The following MGST1 variants were observed in gnomAD, a reference collection of about 807,000 sequenced individuals.
MGST1 encodes microsomal glutathione S-transferase 1.
A neutral mutation model predicts 8.9 loss-of-function variants in MGST1; 5 were observed. The observed-to-expected ratio is 0.56, with a 90% CI of 0.29 to 1.19. The LOEUF is 1.19. Ranked by LOEUF, MGST1 falls within the 50% of genes most tolerant of loss-of-function variation. MGST1 has a pLI of 0.08. For synonymous variants in MGST1, 54 were observed against 67.8 expected (o/e 0.80, Z 1.00); for missense variants, 182 against 187.4 (o/e 0.97, Z 0.17).
chr12:16,522,415 C>A (rs1941653922), intron 4 of MGST1, among the ~76,000 whole-genome samples: 1 of 151,970 alleles, frequency 6.6e-6, no homozygotes, highest in Non-Finnish European at 1.5e-5. Flanking sequence ...GATGATGGGC[C>A]TTTTTTGACA....
chr12:16,539,915 A>G (rs1177057298), intron 4 of MGST1, among the ~76,000 whole-genome samples: 2 of 152,200 alleles, frequency 1.3e-5, no homozygotes, highest in African/African-American at 2.4e-5. Context: ...ACTCCTCTAC[A>G]TACTAGTTTA....
intron 1 of MGST1, among the ~76,000 whole-genome samples, chr12:16,427,148 T>A (rs1940898070): frequency 6.6e-6 from 1 of 152,118 alleles, no homozygotes; most frequent in South Asian, 2.1e-4. Context: ...CATTATTCTA[T>A]TAAGGAGAAG....
chr12:16,411,924 G>A (rs1352209970), intron 1 of MGST1, among the ~76,000 whole-genome samples: 3 of 152,074 alleles, frequency 2.0e-5, no homozygotes, highest in Non-Finnish European at 4.4e-5. Context: ...AGGTGACTTG[G>A]TTGTCAAATG....
intron 4 of MGST1, among the ~76,000 whole-genome samples, chr12:16,579,134 T>G (rs2137519801): frequency 6.6e-6 from 1 of 152,312 alleles, no homozygotes; most frequent in South Asian, 2.1e-4. Flanking sequence ...GGATTTTTTT[T>G]TGAAGAGAAC....
At chr12:16,443,026 A>G (rs914624520), downstream of MGST1, among the ~76,000 whole-genome samples, 3 of 151,730 alleles carry the variant, frequency 2.0e-5, no homozygotes, top group Non-Finnish European at 4.4e-5. Flanking sequence ...CTCTTGCTTT[A>G]TATATTCTGA....
At chr12:16,501,759 AAATT>A (rs1413888772) in intron 4 of MGST1, among the ~76,000 whole-genome samples, 2 of 152,212 alleles carry the variant, frequency 1.3e-5, no homozygotes, top group African/African-American at 4.8e-5. Context: ...TACTAGTACT[AAATT>A]AATTAATATT....
chr12:16,473,380 C>A (rs1418271378), intron 4 of MGST1, among the ~76,000 whole-genome samples: 1 of 152,124 alleles, frequency 6.6e-6, no homozygotes, highest in East Asian at 1.9e-4. Flanking sequence ...AGTAATTCAG[C>A]TCTAAATGAA....
At chr12:16,353,677 C>T (rs950470587) in intron 1 of MGST1, among the ~76,000 whole-genome samples, 10 of 151,042 alleles carry the variant, frequency 6.6e-5, no homozygotes. Context: ...GCTTATACTG[C>T]ACCCTTTTTT....
At chr12:16,543,731 C>G (rs930421150) in intron 4 of MGST1, among the ~76,000 whole-genome samples, 1 of 152,078 alleles carries the variant, frequency 6.6e-6, no homozygotes, top group Admixed American at 6.6e-5. Flanking sequence ...CATTTTCTGC[C>G]TGATGGCAAA....
intron 1 of MGST1, among the ~76,000 whole-genome samples, chr12:16,423,664 C>A (rs1940862060): frequency 6.6e-6 from 1 of 152,120 alleles, no homozygotes; most frequent in African/African-American, 2.4e-5. Context: ...TGCTAATTAC[C>A]TGTGGATTTG....
intron 3 of MGST1, among the ~76,000 whole-genome samples, chr12:16,373,801 A>G (rs947900535): frequency 1.1e-4 from 16 of 152,094 alleles, no homozygotes. Flanking sequence ...AATTATTACA[A>G]TTATTACATT....
At chr12:16,581,693 T>C (rs1435263238) in intron 4 of MGST1, among the ~76,000 whole-genome samples, 1 of 152,170 alleles carries the variant, frequency 6.6e-6, no homozygotes, top group Non-Finnish European at 1.5e-5. Context: ...GTGATACTTA[T>C]CTAGCAGGGA....
chr12:16,491,313 A>T (rs2137156486), intron 4 of MGST1, among the ~76,000 whole-genome samples: 1 of 152,288 alleles, frequency 6.6e-6, no homozygotes, highest in South Asian at 2.1e-4. Flanking sequence ...GAAATAAATG[A>T]TCTCTGCAGG....
chr12:16,405,751 G>A (rs1940693523), intron 1 of MGST1, among the ~76,000 whole-genome samples: 1 of 152,134 alleles, frequency 6.6e-6, no homozygotes, highest in Non-Finnish European at 1.5e-5. Flanking sequence ...TGCAAGGTTG[G>A]TCCAACATAC....
upstream of MGST1, chr12:16,347,268 C>G (rs1185913695): frequency 1.3e-5 from 2 of 152,188 alleles, no homozygotes; most frequent in Non-Finnish European, 2.9e-5. The surrounding 1 kb of genome is among the most constrained non-coding windows in gnomAD (Gnocchi z 4.0). Context: ...GAGGTGAAGT[C>G]TAAGGGAAGG....
intron 4 of MGST1, among the ~76,000 whole-genome samples, chr12:16,531,998 T>C (rs1293556814): frequency 6.6e-6 from 1 of 152,106 alleles, no homozygotes; most frequent in Non-Finnish European, 1.5e-5. Flanking sequence ...TGGCATCTCC[T>C]ATGTGTCTGT....
intron 1 of MGST1, chr12:16,348,958 C>T (rs1426920615): frequency 6.6e-6 from 1 of 152,040 alleles, no homozygotes; most frequent in Non-Finnish European, 1.5e-5. Context: ...AAGGCCTTAC[C>T]CCACCACTCT....
At chr12:16,384,437 A>T (rs1325447660) in intron 1 of MGST1, among the ~76,000 whole-genome samples, 6 of 152,294 alleles carry the variant, frequency 3.9e-5, no homozygotes, top group African/African-American at 1.4e-4. Context: ...CCACGTGAGG[A>T]CAGATGCAGA....
intron 4 of MGST1, among the ~76,000 whole-genome samples, chr12:16,490,773 G>C (rs771274651): frequency 7.9e-5 from 12 of 152,132 alleles, no homozygotes; most frequent in African/African-American, 2.2e-4. Flanking sequence ...TATGACACCT[G>C]AGCATGGTTA....
Sources: gnomAD v4.1 joint callset for allele counts (sites outside exome capture counted in the v4.1 genomes callset) on GRCh38, gnomAD v4.1.1 for gene constraint, Gnocchi (gnomAD v3.1) non-coding constraint, MANE v1.5 for transcripts, NCBI Gene and HGNC (gene_info 2026-07-23, HGNC 2026-07-21) for gene names.